The following TENM3 variants were observed in gnomAD, a reference collection of about 807,000 sequenced individuals.
TENM3 encodes the protein teneurin-3.
A neutral mutation model predicts 255.1 loss-of-function variants in TENM3; 63 were observed. The observed-to-expected ratio is 0.25, with a 90% CI of 0.20 to 0.30. TENM3 has a LOEUF of 0.30. Among genes scored for constraint, TENM3 ranks in the 10% least tolerant of loss-of-function variants. The pLI, the probability that TENM3 is intolerant of heterozygous loss-of-function variation, is 1.00. For missense variants in TENM3, 2,929 were observed against 3,461.1 expected, an observed-to-expected ratio of 0.85 and a Z score of 3.86; for synonymous variants, 1,306 against 1,322.3, an observed-to-expected ratio of 0.99 and a Z score of 0.27.
chr4:182,773,559 A>C lies in TENM3; in HGVS notation c.4980A>C (p.Thr1660=). The C allele has an allele frequency of 6.2e-7, 1 of 1,613,984 alleles. No individual in the cohort carries two copies. Among genetic ancestry groups the C allele is most frequent in the Non-Finnish European group, 8.5e-7 (1 of 1,179,868 alleles). Residue 1660 remains threonine (T), a synonymous_variant, in exon 23 of 28, where the codon ACA becomes ACC. Transcript: ENST00000511685. ...NLHGDMDKAI[T]VDIESSSREE... is the part of the protein sequence containing the mutation. ...ATGGGGACATGGACAAGGCTATCACAGTGGACATTGAGTCATCTAGCCGAG... is the reference window on the plus strand; with the variant it reads ...ATGGGGACATGGACAAGGCTATCACCGTGGACATTGAGTCATCTAGCCGAG...
At chr4:181,662,390 GTTGA>G in the TENM3 span, among the ~76,000 whole-genome samples, 3 of 152,174 alleles carry the variant, frequency 2.0e-5, no homozygotes, top group African/African-American at 7.2e-5. Flanking sequence ...TTTAATGTGT[GTTGA>G]TTATTTCTGT....
intron 1 of TENM3, among the ~76,000 whole-genome samples, chr4:182,183,689 G>C (rs1242575817): frequency 6.6e-6 from 1 of 151,974 alleles, no homozygotes; most frequent in Admixed American, 6.6e-5. Context: ...CACATTTACA[G>C]AACTGTCCCA....
At chr4:182,711,635 C>CAT (rs1758753084) in intron 12 of TENM3, 3 of 875,256 alleles carry the variant, frequency 3.4e-6, no homozygotes, top group Non-Finnish European at 4.1e-6. Context: ...GACATATCTA[C>CAT]ATATATATCT....
the TENM3 span, among the ~76,000 whole-genome samples, chr4:182,105,682 G>A: frequency 1.7e-3 from 253 of 152,300 alleles, no homozygotes; most frequent in Non-Finnish European, 2.4e-3. Flanking sequence ...TACATAGAGC[G>A]TTGCCAACCA....
At chr4:181,570,684 A>AAGCAAGCT in the TENM3 span, among the ~76,000 whole-genome samples, 1 of 150,758 alleles carries the variant, frequency 6.6e-6, no homozygotes, top group Non-Finnish European at 1.5e-5. Context: ...GCAAGCAAGC[A>AAGCAAGCT]AGCTTCTGGT....
chr4:182,123,304 C>T, the TENM3 span, among the ~76,000 whole-genome samples: 1 of 152,232 alleles, frequency 6.6e-6, no homozygotes, highest in Admixed American at 6.5e-5. Context: ...AGAACTTTCC[C>T]TTTTTATTCT....
chr4:182,341,255 AT>A lies in TENM3; in HGVS notation c.233-5394del, dbSNP rs1292085146. Among the ~76,000 whole-genome samples, 10 of 152,312 alleles carry A rather than the reference AT, an allele frequency of 6.6e-5. No homozygotes were observed. The East Asian group carries it at 1.9e-3, about 29-fold the overall frequency. ...TTTTTCTTTATTATGTTTTTAAATTATTGAAATAATTATCATGAGAAGTAAA... is the reference window on the plus strand; with the variant it reads ...TTTTTCTTTATTATGTTTTTAAATTATGAAATAATTATCATGAGAAGTAAA... On this transcript the variant is annotated intron_variant, in intron 2 of 27. Coordinates refer to ENST00000511685, the MANE Select transcript of TENM3 (RefSeq NM_001080477.4).
chr4:182,161,965 A>G (rs1242787254), intron 1 of TENM3, among the ~76,000 whole-genome samples: 1,224 of 7,170 alleles, frequency 0.17, 230 homozygotes, highest in Non-Finnish European at 0.37. Flanking sequence ...GTGTGTATAT[A>G]TATATATATA....
chr4:181,956,039 C>G, the TENM3 span, among the ~76,000 whole-genome samples: 1 of 152,146 alleles, frequency 6.6e-6, no homozygotes, highest in African/African-American at 2.4e-5. Flanking sequence ...ATTCTGGAGG[C>G]TGGGAAGTCC....
chr4:182,041,049 A>G, the TENM3 span, among the ~76,000 whole-genome samples: 4 of 152,262 alleles, frequency 2.6e-5, no homozygotes, highest in South Asian at 2.1e-4. Flanking sequence ...TTTTTCTTCA[A>G]TATTACCAGA....
At chr4:181,805,341 T>C in the TENM3 span, among the ~76,000 whole-genome samples, 2 of 152,018 alleles carry the variant, frequency 1.3e-5, no homozygotes, top group Non-Finnish European at 2.9e-5. Flanking sequence ...GCAGACCACA[T>C]TGGCCACCTC....
At chr4:182,534,573 C>T (rs978122402) in intron 3 of TENM3, among the ~76,000 whole-genome samples, 9 of 152,110 alleles carry the variant, frequency 5.9e-5, no homozygotes, top group Non-Finnish European at 8.8e-5. Flanking sequence ...CACTGGAGTT[C>T]ATTATTTTAT....
rs375402446 is a variant in TENM3, at chr4:182,795,774, A to G, written c.7214-863A>G. On this transcript the variant is annotated intron_variant, in intron 26 of 27. Coordinates refer to ENST00000511685, the MANE Select transcript of TENM3 (RefSeq NM_001080477.4). ...GCCATAGCAGCATTTTCTGAAAAAC[A>G]TCAAAAGAGAGATGGAACAGCATAA... is the stretch of plus-strand genomic sequence containing the variant. Among the ~76,000 whole-genome samples the G allele has an allele frequency of 9.2e-5, 14 of 152,370 alleles. No homozygotes were observed. In the East Asian group the frequency reaches 2.3e-3, roughly 25 times the overall value.
the TENM3 span, among the ~76,000 whole-genome samples, chr4:181,917,122 C>T: frequency 6.6e-5 from 10 of 152,264 alleles, no homozygotes; most frequent in East Asian, 1.9e-4. Flanking sequence ...ATGTGCCTGG[C>T]GCTCTTATGG....
the TENM3 span, among the ~76,000 whole-genome samples, chr4:181,570,459 C>G: frequency 1.3e-5 from 2 of 151,414 alleles, no homozygotes; most frequent in South Asian, 4.2e-4. Flanking sequence ...CATGATCACA[C>G]CATTGCACTA....
chr4:181,794,598 T>C, the TENM3 span, among the ~76,000 whole-genome samples: 1 of 151,816 alleles, frequency 6.6e-6, no homozygotes. Flanking sequence ...GGTTCATTCA[T>C]GTCTCAAATA....
intron 1 of TENM3, among the ~76,000 whole-genome samples, chr4:182,273,318 T>C (rs368208859): frequency 1.2e-4 from 19 of 152,320 alleles, no homozygotes; most frequent in Admixed American, 3.3e-4. Flanking sequence ...GGGTTTAAGC[T>C]CAGTGGTTTG....
chr4:181,950,990 C>G, the TENM3 span, among the ~76,000 whole-genome samples: 1 of 152,174 alleles, frequency 6.6e-6, no homozygotes, highest in Non-Finnish European at 1.5e-5. Flanking sequence ...TGCAGTGAGC[C>G]ATGATCACGC....
At chr4:182,278,870 C>A (rs954566330) in intron 1 of TENM3, among the ~76,000 whole-genome samples, 1 of 152,166 alleles carries the variant, frequency 6.6e-6, no homozygotes, top group African/African-American at 2.4e-5. Flanking sequence ...CTATGTCATG[C>A]GCTGCGGGCT....
Sources: allele counts gnomAD v4.1 joint callset (sites outside exome capture counted in the v4.1 genomes callset), GRCh38; gene constraint gnomAD v4.1.1; transcripts MANE v1.5; gene names NCBI Gene and HGNC (gene_info 2026-07-23, HGNC 2026-07-21).